Variants in MAP3K20 observed in about 807,000 individuals in gnomAD.
MAP3K20 encodes HCCS-4.
A neutral mutation model predicts 85.7 loss-of-function variants in MAP3K20; 40 were observed. The observed-to-expected ratio is 0.47, with a 90% confidence interval of 0.36 to 0.61. MAP3K20 has a LOEUF of 0.61. Ranked by LOEUF, MAP3K20 falls within the 20% of genes least tolerant of loss-of-function variation. The pLI is 0.00. For missense variants in MAP3K20, 817 were observed against 961.7 expected (o/e 0.85, Z 1.99); for synonymous variants, 325 against 327.7 (o/e 0.99, Z 0.09).
chr2:173,261,280 A>G, intron 18 of MAP3K20, 143 bp downstream of exon 18: 1 of 760,072 alleles, frequency 1.3e-6, no homozygotes, highest in Non-Finnish European at 2.0e-6. Context: ...ACATGAACAT[A>G]GGAAGATCAA....
intron 2 of MAP3K20, among the ~76,000 whole-genome samples, chr2:173,112,898 C>T (rs939040441): frequency 6.6e-6 from 1 of 151,816 alleles, no homozygotes; most frequent in Non-Finnish European, 1.5e-5. Context: ...TATATTCTTT[C>T]CTGGTTTTGG....
rs146903760 is a variant in MAP3K20 at position 173,130,741 on chromosome 2, A to G, written c.160-39064A>G. 2.4e-3 allele frequency among the ~76,000 whole-genome samples: 368 copies of G among 152,352 alleles called. 1 individual carries two copies. Among genetic ancestry groups the G allele is most frequent in the Admixed American group, 4.6e-3 (70 of 15,296 alleles). Reference sequence around the variant, plus strand: ...GCTGTGAAAGTGTTCTATATGGAACAGACTTTGCGATTCTGTTCTCAGGAC... The same window carrying G: ...GCTGTGAAAGTGTTCTATATGGAACGGACTTTGCGATTCTGTTCTCAGGAC... On this transcript the variant is annotated intron_variant, in intron 2 of 19. Coordinates refer to ENST00000375213, the MANE Select transcript of MAP3K20 (RefSeq NM_016653.3).
intron 2 of MAP3K20, among the ~76,000 whole-genome samples, chr2:173,161,751 A>T (rs959740363): frequency 6.6e-6 from 1 of 152,196 alleles, no homozygotes; most frequent in Non-Finnish European, 1.5e-5. Flanking sequence ...TCCAGTATCC[A>T]CATCTTTAGT....
intron 15 of MAP3K20, 80 bp downstream of exon 15, chr2:173,238,515 A>G: frequency 7.8e-7 from 1 of 1,276,286 alleles, no homozygotes; most frequent in Non-Finnish European, 1.1e-6. Flanking sequence ...TAAATTTGCC[A>G]ATGTCAGTAA....
At chr2:173,181,551 A>T (rs901773631) in intron 3 of MAP3K20, among the ~76,000 whole-genome samples, 23 of 152,174 alleles carry the variant, frequency 1.5e-4, no homozygotes, top group Non-Finnish European at 2.8e-4. Context: ...ACCCAAGAAA[A>T]ATTAACATAT....
At chr2:173,236,676 A>T (rs1276133705) in intron 14 of MAP3K20, among the ~76,000 whole-genome samples, 1 of 152,194 alleles carries the variant, frequency 6.6e-6, no homozygotes, top group Non-Finnish European at 1.5e-5. Context: ...GGTGACCACT[A>T]AACTCAGCCA....
chr2:173,218,920 C>T (rs1000549299), intron 11 of MAP3K20, among the ~76,000 whole-genome samples: 3 of 152,202 alleles, frequency 2.0e-5, no homozygotes, highest in Non-Finnish European at 4.4e-5. Flanking sequence ...CCCCACAAAA[C>T]TTTCTGTGAA....
chr2:173,203,043 G>A (rs921639444), intron 8 of MAP3K20, among the ~76,000 whole-genome samples: 3 of 152,146 alleles, frequency 2.0e-5, no homozygotes, highest in African/African-American at 4.8e-5. Flanking sequence ...TGGGATACAG[G>A]GGAGTTCCTG....
chr2:173,160,242 T>G (rs1313910826), intron 2 of MAP3K20: 1 of 152,212 alleles, frequency 6.6e-6, no homozygotes, highest in Non-Finnish European at 1.5e-5. Context: ...TTTATGTGAC[T>G]GTGACTGAAT....
chr2:173,170,021 T>C, intron 3 of MAP3K20, 129 bp downstream of exon 3: 1 of 801,076 alleles, frequency 1.2e-6, no homozygotes, highest in South Asian at 1.6e-5. Context: ...CTTTTGTTGC[T>C]ATAAAGCATT....
chr2:173,228,222 G>A (rs187378053), intron 11 of MAP3K20, among the ~76,000 whole-genome samples: 2 of 152,194 alleles, frequency 1.3e-5, no homozygotes, highest in African/African-American at 4.8e-5. Context: ...TCAGCTAGTG[G>A]GTTTTTCCGC....
At chr2:173,150,480 T>G (rs1364259032) in intron 2 of MAP3K20, among the ~76,000 whole-genome samples, 1 of 152,242 alleles carries the variant, frequency 6.6e-6, no homozygotes, top group Non-Finnish European at 1.5e-5. Context: ...GAGAGTGCTA[T>G]TGCTGTCAGT....
intron 11 of MAP3K20, chr2:173,225,951 C>CTA (rs1439685557): frequency 1.0e-6 from 1 of 984,354 alleles, no homozygotes; most frequent in African/African-American, 1.8e-5. Flanking sequence ...AGCTACAGTT[C>CTA]TATAGGTTAA....
intron 3 of MAP3K20, among the ~76,000 whole-genome samples, chr2:173,182,259 T>G (rs1328542882): frequency 3.3e-5 from 5 of 152,196 alleles, no homozygotes; most frequent in Non-Finnish European, 7.3e-5. Flanking sequence ...GAGAACTATT[T>G]GTAGTGATGG....
At position 173,229,743 on chromosome 2, in the gene MAP3K20, T is replaced by C. The variant is rs368252488; in HGVS notation, c.1032+10T>C. 11 of 1,614,150 alleles carry C rather than the reference T, an allele frequency of 6.8e-6. No homozygotes were observed. The South Asian group carries it at 8.8e-5, about 13-fold the overall frequency. On this transcript the variant is annotated intron_variant, in intron 12 of 19. Coordinates refer to ENST00000375213, the MANE Select transcript of MAP3K20 (RefSeq NM_016653.3). ...GACGGAAGACGATGTGGTAAGCTCT[T>C]TGTATTCATGCCTTATTTGACTTGA...
rs1685067321 is a variant in MAP3K20, at chr2:173,252,745, C to G, written c.1360-5954C>G. Among the ~76,000 whole-genome samples, 6 of 152,160 alleles carry G rather than the reference C, an allele frequency of 3.9e-5. No homozygotes were observed. In the South Asian group the frequency reaches 1.2e-3, roughly 32 times the overall value. On this transcript the variant is annotated intron_variant, in intron 16 of 19. Transcript: ENST00000375213. ...TGCCCGTCAAGCACTTGTGCCCCAC[C>G]ACTTGCTACCTGTGTGACCTCAGTC...
chr2:173,229,717 G>A lies in MAP3K20; in HGVS notation c.1016G>A (p.Trp339Ter). The change falls in exon 12 of 20, where the codon TGG (tryptophan) becomes TAG (stop). Residue 339 changes from tryptophan to a stop codon, truncating the protein, a stop_gained. Transcript: ENST00000375213. LOFTEE classifies it high-confidence loss of function. ...CTGCCTTCCTTTGAGATTGGTGCAT[G>A]GACGGAAGACGATGTGGTAAGCTCT... ...PLLPSFEIGA[W>*]TEDDVYCWVQ... 1.2e-6 allele frequency: 2 copies of A among 1,614,082 alleles called. No homozygotes were observed. The highest frequency in any genetic ancestry group is 8.5e-7 in the Non-Finnish European group (1 of 1,180,016).
chr2:173,152,011 T>A (rs1689321570), intron 2 of MAP3K20, among the ~76,000 whole-genome samples: 1 of 152,216 alleles, frequency 6.6e-6, no homozygotes, highest in Admixed American at 6.5e-5. Flanking sequence ...TCAAATTTTA[T>A]ATACCTTTCT....
intron 2 of MAP3K20, among the ~76,000 whole-genome samples, chr2:173,118,958 T>C (rs987370694): frequency 2.6e-5 from 4 of 152,220 alleles, no homozygotes; most frequent in African/African-American, 9.6e-5. Context: ...GATGCTTCAG[T>C]ATGAAAACAG....
Sources: allele counts gnomAD v4.1 joint callset (sites outside exome capture counted in the v4.1 genomes callset), GRCh38; gene constraint gnomAD v4.1.1; transcripts MANE v1.5; gene names NCBI Gene and HGNC (gene_info 2026-07-23, HGNC 2026-07-21).